LRMDA: variants seen among roughly 807,000 people sequenced by gnomAD.
LRMDA encodes the protein leucine rich melanocyte differentiation associated, also known as leucine-rich melanocyte differentiation-associated protein.
A neutral mutation model predicts 29.8 loss-of-function variants in LRMDA; 18 were observed. The ratio of observed to expected loss-of-function variants is 0.60; its 90% CI spans 0.42 to 0.90. LRMDA has a LOEUF of 0.90. Ranked by LOEUF, LRMDA falls within the 40% of genes least tolerant of loss-of-function variation. The pLI is 0.00. For synonymous variants in LRMDA, 125 were observed against 109.4 expected, an observed-to-expected ratio of 1.14 and a Z score of -0.89; for missense variants, 273 against 273.9, an observed-to-expected ratio of 1.00 and a Z score of 0.02.
At chr10:76,169,180 G>A (rs1850791490) in intron 5 of LRMDA, among the ~76,000 whole-genome samples, 1 of 152,170 alleles carries the variant, frequency 6.6e-6, no homozygotes, top group Non-Finnish European at 1.5e-5. Context: ...GATTGAATCT[G>A]TTGCTGATAG....
At chr10:76,502,426 C>T (rs1842919585) in intron 6 of LRMDA, among the ~76,000 whole-genome samples, 1 of 151,710 alleles carries the variant, frequency 6.6e-6, no homozygotes, top group Non-Finnish European at 1.5e-5. Context: ...TAGAAGTAAC[C>T]TTGAATCTAT....
At chr10:75,701,018 C>T (rs1842301621) in intron 2 of LRMDA, among the ~76,000 whole-genome samples, 1 of 152,204 alleles carries the variant, frequency 6.6e-6, no homozygotes, top group Admixed American at 6.5e-5. Context: ...TAACTCATCT[C>T]CTCGGCATTG....
intron 5 of LRMDA, among the ~76,000 whole-genome samples, chr10:76,214,643 C>T (rs146366230): frequency 0.01 from 1,542 of 152,224 alleles, 25 homozygotes; most frequent in African/African-American, 0.033. Flanking sequence ...CGCGCCCGGC[C>T]GCAACATCAT....
At chr10:76,126,949 C>T (rs1387622157) in intron 5 of LRMDA, among the ~76,000 whole-genome samples, 3 of 152,208 alleles carry the variant, frequency 2.0e-5, no homozygotes, top group Non-Finnish European at 4.4e-5. Context: ...AGTCCAGATA[C>T]CTGGCTGAAT....
intron 2 of LRMDA, among the ~76,000 whole-genome samples, chr10:75,795,936 A>G (rs79079819): frequency 0.013 from 2,046 of 152,222 alleles, 54 homozygotes; most frequent in African/African-American, 0.047. Context: ...AACTTTAGTT[A>G]CTTTTATTAT....
intron 6 of LRMDA, among the ~76,000 whole-genome samples, chr10:76,362,333 A>G (rs1841322726): frequency 6.6e-6 from 1 of 152,214 alleles, no homozygotes; most frequent in Non-Finnish European, 1.5e-5. Flanking sequence ...TTTGGTTTCA[A>G]TCTTGTTAAC....
intron 6 of LRMDA, among the ~76,000 whole-genome samples, chr10:76,341,217 G>A (rs1022716640): frequency 2.0e-5 from 3 of 152,210 alleles, no homozygotes; most frequent in African/African-American, 4.8e-5. Flanking sequence ...TGGTACTGAA[G>A]GTTGAAATTC....
intron 6 of LRMDA, among the ~76,000 whole-genome samples, chr10:76,336,911 A>T (rs1041011108): frequency 6.6e-6 from 1 of 152,122 alleles, no homozygotes; most frequent in Non-Finnish European, 1.5e-5. Flanking sequence ...TTCTCAAGAG[A>T]TAGCTTTCCT....
intron 2 of LRMDA, among the ~76,000 whole-genome samples, chr10:75,551,704 G>A (rs1371026613): frequency 2.0e-5 from 3 of 152,110 alleles, no homozygotes; most frequent in Admixed American, 1.3e-4. Context: ...TGGTGTATAC[G>A]TGCCACATTG....
intron 2 of LRMDA, among the ~76,000 whole-genome samples, chr10:75,581,168 C>A (rs1564806279): frequency 1.3e-5 from 2 of 152,082 alleles, no homozygotes; most frequent in African/African-American, 4.8e-5. Context: ...GCAAGCTATC[C>A]TTCTGACAAA....
intron 6 of LRMDA, among the ~76,000 whole-genome samples, chr10:76,415,360 G>T (rs946347797): frequency 6.6e-6 from 1 of 152,318 alleles, no homozygotes; most frequent in African/African-American, 2.4e-5. Context: ...TTTGGGGAAA[G>T]GTAGATAAAG....
intron 2 of LRMDA, among the ~76,000 whole-genome samples, chr10:75,918,068 C>T (rs753635866): frequency 6.6e-6 from 1 of 152,154 alleles, no homozygotes; most frequent in Admixed American, 6.5e-5. Flanking sequence ...TGAGAATCAT[C>T]AGGTACTTCC....
chr10:76,521,413 C>T (rs1268696121), intron 6 of LRMDA, among the ~76,000 whole-genome samples: 6 of 152,178 alleles, frequency 3.9e-5, no homozygotes, highest in Admixed American at 2.6e-4. Context: ...GGATTACAGG[C>T]GTGAGCCACC....
chr10:75,499,630 GGGGCTATGATTCTCCCAGTACCAAAACTT>G (rs1845089346), intron 2 of LRMDA, among the ~76,000 whole-genome samples: 1 of 152,184 alleles, frequency 6.6e-6, no homozygotes, highest in Admixed American at 6.5e-5. Context: ...AGCCACAATC[GGGGCTATGATTCTCCCAGTACCAAAACTT>G]GGGCTGGGAG....
chr10:75,449,106 C>T (rs35070513), intron 2 of LRMDA, among the ~76,000 whole-genome samples: 3 of 146,480 alleles, frequency 2.0e-5, no homozygotes, highest in African/African-American at 5.1e-5. Flanking sequence ...GAGCCAAGAT[C>T]GTGCCACTGC....
At chr10:76,085,307 A>C (rs931505559) in intron 5 of LRMDA, among the ~76,000 whole-genome samples, 3 of 152,214 alleles carry the variant, frequency 2.0e-5, no homozygotes, top group South Asian at 2.1e-4. Flanking sequence ...ATTCAATGGG[A>C]GGAAGATATT....
intron 2 of LRMDA, among the ~76,000 whole-genome samples, chr10:75,699,172 G>A (rs1470996526): frequency 6.7e-6 from 1 of 148,846 alleles, no homozygotes; most frequent in East Asian, 2.0e-4. Flanking sequence ...TTGTACTCCA[G>A]CCTAGGCGAC....
chr10:75,652,597 G>T (rs1448380876), intron 2 of LRMDA, among the ~76,000 whole-genome samples: 1 of 152,132 alleles, frequency 6.6e-6, no homozygotes, highest in African/African-American at 2.4e-5. Flanking sequence ...TTAATCTTTG[G>T]GTCTAGAACT....
intron 2 of LRMDA, among the ~76,000 whole-genome samples, chr10:75,644,290 C>T (rs1217226122): frequency 6.6e-6 from 1 of 152,122 alleles, no homozygotes; most frequent in Non-Finnish European, 1.5e-5. Context: ...GGCAGCTGCC[C>T]TCAGGAAGGC....
Sources: allele counts gnomAD v4.1 joint callset (sites outside exome capture counted in the v4.1 genomes callset), GRCh38; gene constraint gnomAD v4.1.1; transcripts MANE v1.5; gene names NCBI Gene and HGNC (gene_info 2026-07-23, HGNC 2026-07-21).